The following RPS6KA1 variants were observed in gnomAD, a reference collection of about 807,000 sequenced individuals.
The protein encoded by RPS6KA1 is ribosomal protein S6 kinase alpha-1.
A neutral mutation model predicts 91.3 loss-of-function variants in RPS6KA1; 48 were observed. The observed-to-expected ratio is 0.53, with a 90% CI of 0.42 to 0.67. The LOEUF (loss-of-function observed/expected upper bound fraction) is 0.67, where lower values mean the gene tolerates loss of function less well. Ranked by LOEUF, RPS6KA1 falls within the 30% of genes least tolerant of loss-of-function variation. The pLI, the probability that RPS6KA1 is intolerant of heterozygous loss-of-function variation, is 0.00. For synonymous variants in RPS6KA1, 359 were observed against 384.7 expected (o/e 0.93, Z 0.78); for missense variants, 719 against 960.5 (o/e 0.75, Z 3.32).
intron 2 of RPS6KA1, among the ~76,000 whole-genome samples, chr1:26,544,814 G>T (rs942190764): frequency 6.6e-6 from 1 of 152,140 alleles, no homozygotes; most frequent in Non-Finnish European, 1.5e-5. Flanking sequence ...TTGCCTGTTG[G>T]GTTGGTATTC....
chr1:26,560,635 C>A, intron 14 of RPS6KA1, 91 bp from the exon 15 acceptor site: 1 of 1,519,532 alleles, frequency 6.6e-7, no homozygotes, highest in Non-Finnish European at 9.0e-7. Flanking sequence ...TTCCCTGGTG[C>A]TGTCTCTACT....
In RPS6KA1 at chr1:26,555,031, G is replaced by A; in HGVS notation, c.757-120G>A. On this transcript the variant is annotated intron_variant, in intron 9 of 21. Transcript: ENST00000374168. The surrounding 1 kb of genome is among the most constrained non-coding windows in gnomAD (Gnocchi z 4.3). ...AGGGACGGGCATAATTCTTGCTCCA[G>A]GCTGACTTGGATGTATCAGCAAGAA... is the stretch of plus-strand genomic sequence containing the variant. 1 of 1,041,376 alleles carries A rather than the reference G, an allele frequency of 9.6e-7. No individual in the cohort carries two copies. Among genetic ancestry groups the A allele is most frequent in the South Asian group, 1.4e-5 (1 of 69,326 alleles). 64.5% of individuals were successfully genotyped at this position (1,041,376 alleles called of 1,614,324 possible).
intron 7 of RPS6KA1, 136 bp downstream of exon 7, chr1:26,553,633 G>T: frequency 1.9e-6 from 1 of 513,140 alleles, no homozygotes; most frequent in Non-Finnish European, 3.6e-6. Context: ...ATGGGTGAGT[G>T]GGGTGGGTGG....
intron 17 of RPS6KA1, among the ~76,000 whole-genome samples, chr1:26,567,036 A>G (rs1244033257): frequency 1.4e-5 from 2 of 140,438 alleles, no homozygotes; most frequent in Non-Finnish European, 3.1e-5. Flanking sequence ...TTTTTTTTTG[A>G]GACAGGGTCT....
rs1326565846 is a variant in RPS6KA1 at position 26,551,907 on chromosome 1, G to C, written c.468+184G>C. On this transcript the variant is annotated intron_variant, in intron 6 of 21. Coordinates refer to ENST00000374168, the MANE Select transcript of RPS6KA1 (RefSeq NM_002953.4). The surrounding 1 kb of genome is among the most constrained non-coding windows in gnomAD (Gnocchi z 4.5). ...TGGAATGGAGGCCATACGCTGGCAA[G>C]GTCTCTGAGAGTTTCTCCCAAGGAA... is the stretch of plus-strand genomic sequence containing the variant. 5.3e-5 allele frequency among the ~76,000 whole-genome samples: 8 copies of C among 152,202 alleles called. No individual in the cohort carries two copies. The highest frequency in any genetic ancestry group is 5.2e-4 in the Admixed American group (8 of 15,288).
Position 26,571,308 on chromosome 1 carries a change from C to A in RPS6KA1, c.1591-141C>A. The A allele has an allele frequency of 1.4e-6, 1 of 717,760 alleles. No individual in the cohort carries two copies. Among genetic ancestry groups the A allele is most frequent in the Non-Finnish European group, 2.4e-6 (1 of 423,068 alleles). The allele number at this position is 717,760 out of a possible 1,614,324, so 44.5% of individuals were successfully genotyped here. ...GCAGCAATAAGACCATCATTTCAGC[C>A]CCTTCCCCTTCTCTCGGATGCCAAG... On this transcript the variant is annotated intron_variant, in intron 17 of 21. Transcript: ENST00000374168. This position sits in a 1 kb window ranked among gnomAD's most constrained non-coding sequence, Gnocchi z 5.1.
intron 17 of RPS6KA1, among the ~76,000 whole-genome samples, chr1:26,569,343 A>T (rs1238961207): frequency 6.6e-6 from 1 of 152,170 alleles, no homozygotes; most frequent in Non-Finnish European, 1.5e-5. Context: ...TGGTGTCCTC[A>T]GCCAAGCTGA....
At chr1:26,545,335 A>ATTTTTT (rs35845328) in intron 2 of RPS6KA1, among the ~76,000 whole-genome samples, 1 of 142,572 alleles carries the variant, frequency 7.0e-6, no homozygotes, top group South Asian at 2.2e-4. Flanking sequence ...CGCCTGGCCA[A>ATTTTTT]TTTTTTTTTT....
chr1:26,570,506 C>G (rs879758143), intron 17 of RPS6KA1, among the ~76,000 whole-genome samples: 1 of 151,910 alleles, frequency 6.6e-6, no homozygotes, highest in Non-Finnish European at 1.5e-5. Flanking sequence ...AACAAAAAAG[C>G]CTTACAGAGT....
At chr1:26,543,066 G>A in intron 2 of RPS6KA1, 1 of 1,342,312 alleles carries the variant, frequency 7.4e-7, no homozygotes, top group Non-Finnish European at 1.0e-6. Flanking sequence ...TGAGAAGGAG[G>A]GGGGCCAGAG....
At chr1:26,565,421 TGTAACCA>T (rs372014377) in intron 17 of RPS6KA1, among the ~76,000 whole-genome samples, 6 of 152,020 alleles carry the variant, frequency 3.9e-5, no homozygotes, top group African/African-American at 1.5e-4. Context: ...AATACACCTG[TGTAACCA>T]GTACCCAGCT....
At chr1:26,573,570 G>A (rs1351979499) in intron 21 of RPS6KA1, among the ~76,000 whole-genome samples, 1 of 152,198 alleles carries the variant, frequency 6.6e-6, no homozygotes, top group Non-Finnish European at 1.5e-5. Flanking sequence ...GGAAGGCACA[G>A]CTGCTGACCT....
chr1:26,552,579 C>T (rs1471292158), intron 6 of RPS6KA1, among the ~76,000 whole-genome samples: 2 of 149,834 alleles, frequency 1.3e-5, no homozygotes, highest in Admixed American at 6.7e-5. Flanking sequence ...CTCCGCCTCC[C>T]GGGTTCAAGC....
intron 2 of RPS6KA1, chr1:26,545,989 C>T (rs1201021050): frequency 5.0e-6 from 8 of 1,610,912 alleles, no homozygotes; most frequent in Non-Finnish European, 6.8e-6. Context: ...ATCAGCCAGA[C>T]CTCTCTGCCT....
chr1:26,554,373 G>A lies in RPS6KA1; in HGVS notation c.613+122G>A. On this transcript the variant is annotated intron_variant, in intron 8 of 21. Coordinates refer to ENST00000374168, the MANE Select transcript of RPS6KA1 (RefSeq NM_002953.4). This position sits in a 1 kb window ranked among gnomAD's most constrained non-coding sequence, Gnocchi z 4.6. ...AAGCCGTGCCAGTTACTTGGAAGTG[G>A]TCAAAAACTCAGGCCTCAGACTTGG... 1 of 1,209,922 alleles carries A rather than the reference G, an allele frequency of 8.3e-7. No homozygotes were observed. Among genetic ancestry groups the A allele is most frequent in the Admixed American group, 2.4e-5 (1 of 40,982 alleles). The allele number at this position is 1,209,922 out of a possible 1,614,324, so 74.9% of individuals were successfully genotyped here. A position where few individuals can be genotyped will look rare whatever the true frequency, so the allele number is the denominator to read the frequency against.
intron 1 of RPS6KA1, 49 bp from the exon 2 acceptor site, chr1:26,536,876 A>G (rs1294531318): frequency 6.2e-7 from 1 of 1,605,250 alleles, no homozygotes; most frequent in Non-Finnish European, 8.5e-7. Flanking sequence ...CTTTCTCCCA[A>G]GCGTGTAAGT....
chr1:26,545,335 A>T (rs555610533), intron 2 of RPS6KA1, among the ~76,000 whole-genome samples: 5 of 142,614 alleles, frequency 3.5e-5, no homozygotes, highest in South Asian at 2.3e-4. Context: ...CGCCTGGCCA[A>T]TTTTTTTTTT....
chr1:26,572,400 C>G lies in RPS6KA1; in HGVS notation c.1947+107C>G, dbSNP rs2076257206. On this transcript the variant is annotated intron_variant, in intron 20 of 21. Transcript: ENST00000374168. ...AGCCTCATTTCTCCAAGCGGATGTT[C>G]CACAAATCCCTGTTGCTGTATTTCT... 6.8e-6 allele frequency: 5 copies of G among 738,788 alleles called. No individual in the cohort carries two copies. The Admixed American group carries it at 1.0e-4, about 15-fold the overall frequency. 45.8% of individuals were successfully genotyped at this position (738,788 alleles called of 1,614,324 possible).
At chr1:26,563,622 G>A (rs531561378) in intron 17 of RPS6KA1, among the ~76,000 whole-genome samples, 8 of 152,198 alleles carry the variant, frequency 5.3e-5, no homozygotes, top group South Asian at 4.1e-4. Flanking sequence ...CACCCATGTC[G>A]CCTCCACAAT....
Sources: allele counts gnomAD v4.1 joint callset (sites outside exome capture counted in the v4.1 genomes callset), GRCh38; gene constraint gnomAD v4.1.1; non-coding constraint Gnocchi (gnomAD v3.1); transcripts MANE v1.5; gene names NCBI Gene and HGNC (gene_info 2026-07-23, HGNC 2026-07-21).